The following MIR2052HG variants were observed in gnomAD, a reference collection of about 807,000 sequenced individuals.
MIR2052HG encodes MIR2052 host gene.
intron 2 of MIR2052HG, among the ~76,000 whole-genome samples, chr8:74,698,959 T>C (rs917782114): frequency 1.3e-5 from 2 of 151,690 alleles, no homozygotes; most frequent in East Asian, 1.9e-4. Context: ...AGAACATGAA[T>C]AGACAATTAT....
chr8:74,734,101 T>C (rs1307288446), intron 4 of MIR2052HG, among the ~76,000 whole-genome samples: 1 of 152,200 alleles, frequency 6.6e-6, no homozygotes, highest in Non-Finnish European at 1.5e-5. Flanking sequence ...AAAGGGCTAA[T>C]ATCCAGAATC....
intron 5 of MIR2052HG, among the ~76,000 whole-genome samples, chr8:74,754,895 G>C (rs543669079): frequency 6.6e-6 from 1 of 152,162 alleles, no homozygotes; most frequent in African/African-American, 2.4e-5. Flanking sequence ...ATAAATATTA[G>C]GGTGATCTGT....
chr8:74,612,969 C>T (rs1563512354), intron 2 of MIR2052HG: 1 of 455,408 alleles, frequency 2.2e-6, no homozygotes, highest in Admixed American at 2.4e-5. Flanking sequence ...TGCAGCTGCA[C>T]TGTGTGGGAA....
At chr8:74,729,499 CTT>C (rs1049211503) in intron 4 of MIR2052HG, among the ~76,000 whole-genome samples, 11 of 152,034 alleles carry the variant, frequency 7.2e-5, no homozygotes, top group African/African-American at 2.7e-4. Context: ...TGATGTCTAT[CTT>C]AGAATCTGTG....
intron 4 of MIR2052HG, among the ~76,000 whole-genome samples, chr8:74,722,965 G>A (rs938307662): frequency 1.3e-5 from 2 of 152,158 alleles, no homozygotes; most frequent in African/African-American, 4.8e-5. Context: ...CTGCTGAGAG[G>A]TTGTCCAGCT....
intron 3 of MIR2052HG, chr8:74,703,517 G>T: frequency 2.8e-6 from 1 of 362,808 alleles, no homozygotes; most frequent in Non-Finnish European, 5.5e-6. Context: ...CAGGATTTAG[G>T]GCAATCAGGA....
In MIR2052HG at chr8:74,606,952, A is replaced by C. The variant is rs376934416; in HGVS notation, n.129-5901A>C. On this transcript the variant is annotated intron_variant and non_coding_transcript_variant, in intron 1 of 6. Coordinates refer to ENST00000523442, the Ensembl canonical transcript of MIR2052HG. ...ATAAAAAACCCTCAATCCTAAAGGC[A>C]AAAAAGGACAAATTGAACATTACCA... Among the ~76,000 whole-genome samples the C allele has an allele frequency of 2.0e-5, 3 of 152,200 alleles. No individual in the cohort carries two copies. The East Asian group carries it at 5.8e-4, about 29-fold the overall frequency.
At chr8:74,725,236 T>C (rs559971174) in intron 4 of MIR2052HG, among the ~76,000 whole-genome samples, 1 of 152,332 alleles carries the variant, frequency 6.6e-6, no homozygotes, top group East Asian at 1.9e-4. Context: ...ATCACATTCA[T>C]TACATGCCCA....
rs113095054 is a variant in MIR2052HG, at chr8:74,692,068, T to C, written n.217-10311T>C. ...AAAATGGGCATTGGTAAAAATATTT[T>C]GAATTAAATGTTTCTTTCTTTTCTT... On this transcript the variant is annotated intron_variant and non_coding_transcript_variant, in intron 2 of 6. Coordinates refer to ENST00000523442, the Ensembl canonical transcript of MIR2052HG. 1.7e-4 allele frequency among the ~76,000 whole-genome samples: 26 copies of C among 152,318 alleles called. 3 individuals carry two copies. The highest frequency in any genetic ancestry group is 6.0e-4 in the African/African-American group (25 of 41,574).
At chr8:74,668,652 C>G (rs1193668410) in intron 2 of MIR2052HG, among the ~76,000 whole-genome samples, 1 of 152,210 alleles carries the variant, frequency 6.6e-6, no homozygotes, top group African/African-American at 2.4e-5. Context: ...GATCCTTCTT[C>G]AGGAACAAAG....
intron 4 of MIR2052HG, among the ~76,000 whole-genome samples, chr8:74,716,954 A>T (rs1809527172): frequency 6.6e-6 from 1 of 152,134 alleles, no homozygotes; most frequent in Non-Finnish European, 1.5e-5. Flanking sequence ...AGGTGAAAGA[A>T]AATAACTTTC....
At chr8:74,725,345 T>A (rs549122547) in intron 4 of MIR2052HG, among the ~76,000 whole-genome samples, 1 of 152,338 alleles carries the variant, frequency 6.6e-6, no homozygotes, top group African/African-American at 2.4e-5. Flanking sequence ...GGTGGGCTCG[T>A]TCCTGCTCTT....
intron 2 of MIR2052HG, among the ~76,000 whole-genome samples, chr8:74,637,690 C>T (rs950770241): frequency 6.6e-6 from 1 of 152,236 alleles, no homozygotes; most frequent in South Asian, 2.1e-4. Context: ...TACTCTCCTC[C>T]CTCCTTAGAA....
chr8:74,712,431 T>TA (rs1170325354), intron 4 of MIR2052HG, among the ~76,000 whole-genome samples: 3 of 152,138 alleles, frequency 2.0e-5, no homozygotes, highest in Non-Finnish European at 4.4e-5. Flanking sequence ...CTCAACTACT[T>TA]ACATGAAATC....
intron 2 of MIR2052HG, among the ~76,000 whole-genome samples, chr8:74,615,651 T>C (rs1808269777): frequency 6.6e-6 from 1 of 152,110 alleles, no homozygotes; most frequent in Non-Finnish European, 1.5e-5. Flanking sequence ...AGGGTACATG[T>C]GCACAACATG....
At chr8:74,668,830 T>A (rs1212227898) in intron 2 of MIR2052HG, among the ~76,000 whole-genome samples, 1 of 152,192 alleles carries the variant, frequency 6.6e-6, no homozygotes, top group African/African-American at 2.4e-5. Context: ...TTGGAGGACA[T>A]CCTATCCTTG....
At chr8:74,685,652 C>A (rs1001029571) in intron 2 of MIR2052HG, among the ~76,000 whole-genome samples, 2 of 152,012 alleles carry the variant, frequency 1.3e-5, no homozygotes, top group Non-Finnish European at 2.9e-5. Flanking sequence ...CACAGAAAGA[C>A]TTTAGGCATA....
intron 2 of MIR2052HG, among the ~76,000 whole-genome samples, chr8:74,675,249 G>C (rs994503141): frequency 1.3e-5 from 2 of 151,976 alleles, no homozygotes; most frequent in Non-Finnish European, 2.9e-5. Context: ...CACATCAGCA[G>C]ATTCAACCAA....
intron 2 of MIR2052HG, among the ~76,000 whole-genome samples, chr8:74,629,813 A>T (rs943437680): frequency 6.6e-6 from 1 of 152,104 alleles, no homozygotes; most frequent in Non-Finnish European, 1.5e-5. Context: ...TTGAATAGGG[A>T]TGTTTCCCCA....
Sources: allele counts gnomAD v4.1 joint callset (sites outside exome capture counted in the v4.1 genomes callset), GRCh38; gene constraint gnomAD v4.1.1; transcripts MANE v1.5; gene names NCBI Gene and HGNC (gene_info 2026-07-23, HGNC 2026-07-21).